The following ADGRL2 variants were observed in gnomAD, a reference collection of about 807,000 sequenced individuals.
The protein encoded by ADGRL2 is adhesion G protein-coupled receptor L2.
In ADGRL2, 44 loss-of-function variants were observed where a neutral mutation model predicts 157.4. That is an observed-to-expected ratio of 0.28 (90% CI 0.22 to 0.36). The LOEUF is 0.36. Ranked by LOEUF, ADGRL2 falls within the 10% of genes least tolerant of loss-of-function variation. The pLI, the probability that ADGRL2 is intolerant of heterozygous loss-of-function variation, is 1.00. For missense variants in ADGRL2, 1,510 were observed against 1,768.9 expected (o/e 0.85, Z 2.63); for synonymous variants, 585 against 624.7 (o/e 0.94, Z 0.95).
chr1:81,415,266 T>G (rs567992678), intron 1 of ADGRL2, among the ~76,000 whole-genome samples: 11 of 152,356 alleles, frequency 7.2e-5, no homozygotes, highest in Non-Finnish European at 1.5e-4. Context: ...CACGGAAGAA[T>G]TTTGAATGAC....
At chr1:81,721,938 G>T (rs185373060) in intron 1 of ADGRL2, 34 of 663,058 alleles carry the variant, frequency 5.1e-5, no homozygotes, top group Non-Finnish European at 8.7e-5. Context: ...TGATCTAGAA[G>T]TTGATAATGA....
intron 2 of ADGRL2, among the ~76,000 whole-genome samples, chr1:81,876,188 AG>A (rs1225061018): frequency 1.3e-5 from 2 of 152,180 alleles, no homozygotes; most frequent in African/African-American, 4.8e-5. Flanking sequence ...AAGAATGTAG[AG>A]TTTTTGATGC....
At chr1:81,348,034 C>T (rs112010783) in intron 1 of ADGRL2, among the ~76,000 whole-genome samples, 35 of 152,340 alleles carry the variant, frequency 2.3e-4, no homozygotes, top group Non-Finnish European at 2.9e-5. Context: ...GGCAAGGCTA[C>T]TTCCTCCTTT....
chr1:81,364,210 A>G (rs927876708), intron 1 of ADGRL2, among the ~76,000 whole-genome samples: 1 of 147,578 alleles, frequency 6.8e-6, no homozygotes, highest in Non-Finnish European at 1.5e-5. Context: ...AAAGTTTTCC[A>G]TTTTTTTTTT....
intron 3 of ADGRL2, chr1:81,586,106 A>G (rs1273988720): frequency 2.6e-5 from 4 of 152,100 alleles, no homozygotes; most frequent in Admixed American, 6.6e-5. Flanking sequence ...ATGTTACACC[A>G]TTACAGATTA....
chr1:81,653,602 T>C (rs898002991), intron 3 of ADGRL2, among the ~76,000 whole-genome samples: 2 of 152,194 alleles, frequency 1.3e-5, no homozygotes, highest in Non-Finnish European at 2.9e-5. Context: ...CAGAGGGTAA[T>C]CAAAAACATC....
intron 3 of ADGRL2, among the ~76,000 whole-genome samples, chr1:81,662,006 A>C (rs1377022526): frequency 1.3e-5 from 2 of 151,626 alleles, no homozygotes; most frequent in African/African-American, 4.8e-5. Context: ...TTTTTTTTTT[A>C]ATTTATAATT....
At chr1:81,550,415 C>T (rs1374283784) in intron 2 of ADGRL2, among the ~76,000 whole-genome samples, 1 of 152,170 alleles carries the variant, frequency 6.6e-6, no homozygotes, top group Non-Finnish European at 1.5e-5. Flanking sequence ...TGATTTTTAA[C>T]AGAACATCGG....
intron 1 of ADGRL2, among the ~76,000 whole-genome samples, chr1:81,354,854 T>C (rs950546316): frequency 1.1e-4 from 16 of 152,198 alleles, no homozygotes; most frequent in Admixed American, 9.2e-4. Context: ...TGCTGATTTA[T>C]TTAACTAATT....
intron 1 of ADGRL2, among the ~76,000 whole-genome samples, chr1:81,415,568 A>C (rs575572349): frequency 2.0e-5 from 3 of 152,340 alleles, no homozygotes; most frequent in African/African-American, 7.2e-5. Context: ...AGTTGAGTAC[A>C]TGCTTTTAAG....
chr1:81,929,413 C>T (rs1420889581), intron 3 of ADGRL2, among the ~76,000 whole-genome samples: 1 of 152,158 alleles, frequency 6.6e-6, no homozygotes, highest in Non-Finnish European at 1.5e-5. Flanking sequence ...ATCTAATGAT[C>T]TGCTGAAGAT....
At chr1:81,446,185 T>C (rs1220920917) in intron 2 of ADGRL2, among the ~76,000 whole-genome samples, 2 of 152,172 alleles carry the variant, frequency 1.3e-5, no homozygotes, top group African/African-American at 2.4e-5. Flanking sequence ...CTCTAGGTGG[T>C]GTGACGTGTA....
chr1:81,517,971 CT>C (rs113841721), intron 2 of ADGRL2, among the ~76,000 whole-genome samples: 16 of 152,354 alleles, frequency 1.1e-4, no homozygotes, highest in African/African-American at 3.4e-4. Context: ...GCGTATATCT[CT>C]GGGAGGAAAG....
chr1:81,974,862 A>G (rs1659717068), intron 17 of ADGRL2, among the ~76,000 whole-genome samples: 1 of 152,126 alleles, frequency 6.6e-6, no homozygotes, highest in South Asian at 2.1e-4. Context: ...TTTGAATTTT[A>G]TCAGCAAATT....
At chr1:81,637,725 G>A (rs1217378479) in intron 3 of ADGRL2, among the ~76,000 whole-genome samples, 1 of 152,080 alleles carries the variant, frequency 6.6e-6, no homozygotes, top group Non-Finnish European at 1.5e-5. Flanking sequence ...TGAATGCACT[G>A]TATATAATCA....
In ADGRL2 at chr1:81,990,716, GCTCC is replaced by G; in HGVS notation, c.3982_3985del (p.Leu1328IlefsTer25). On this transcript the variant is annotated frameshift_variant, in exon 24 of 24. Transcript: ENST00000686636. LOFTEE classifies it high-confidence loss of function. The stretch of plus-strand genomic sequence containing the variant: ...TGCACAGCGACAACCCAGGGCTGGA[GCTCC>G]ATCACAAAGAACTCGAGGCACCACT... 1 of 1,614,122 alleles carries G rather than the reference GCTCC, an allele frequency of 6.2e-7. No homozygotes were observed. The highest frequency in any genetic ancestry group is 8.5e-7 in the Non-Finnish European group (1 of 1,180,020).
intron 2 of ADGRL2, among the ~76,000 whole-genome samples, chr1:81,882,637 C>G (rs2094017330): frequency 1.3e-5 from 2 of 152,130 alleles, no homozygotes; most frequent in South Asian, 4.1e-4. Context: ...CCCCTCTCAA[C>G]CAGTTCTGGT....
At chr1:81,517,825 GAGAC>G (rs2079215869) in intron 2 of ADGRL2, among the ~76,000 whole-genome samples, 1 of 152,108 alleles carries the variant, frequency 6.6e-6, no homozygotes, top group African/African-American at 2.4e-5. Flanking sequence ...CTTCCTGTTC[GAGAC>G]AGAGTAGGCT....
chr1:81,852,968 A>G (rs1054093838), intron 2 of ADGRL2, among the ~76,000 whole-genome samples: 3 of 152,126 alleles, frequency 2.0e-5, no homozygotes, highest in Non-Finnish European at 2.9e-5. Flanking sequence ...TTTTTTTGGT[A>G]TAGTAGAAAA....
Sources: allele counts gnomAD v4.1 joint callset (sites outside exome capture counted in the v4.1 genomes callset), GRCh38; gene constraint gnomAD v4.1.1; transcripts MANE v1.5; gene names NCBI Gene and HGNC (gene_info 2026-07-23, HGNC 2026-07-21).